Variants in TNC observed in about 807,000 individuals in gnomAD.
TNC encodes the protein tenascin.
In TNC, 109 loss-of-function variants were observed where a neutral mutation model predicts 202.4. The observed-to-expected ratio is 0.54, with a 90% confidence interval of 0.46 to 0.63. The LOEUF (loss-of-function observed/expected upper bound fraction) is 0.63, where lower values mean the gene tolerates loss of function less well. Among genes scored for constraint, TNC ranks in the 30% least tolerant of loss-of-function variants. TNC has a pLI of 0.00. For missense variants in TNC, 2,756 were observed against 2,833.3 expected, an observed-to-expected ratio of 0.97 and a Z score of 0.62; for synonymous variants, 1,007 against 1,089.7, an observed-to-expected ratio of 0.92 and a Z score of 1.50.
At chr9:115,082,560 A>T (rs957957360) in intron 5 of TNC, 132 bp downstream of exon 5, 9 of 631,106 alleles carry the variant, frequency 1.4e-5, no homozygotes, top group African/African-American at 5.5e-5. Flanking sequence ...ATGCAAACAC[A>T]AATGATGCTA....
chr9:115,065,383 G>A (rs1370628197), intron 10 of TNC, among the ~76,000 whole-genome samples: 2 of 152,154 alleles, frequency 1.3e-5, no homozygotes, highest in Non-Finnish European at 2.9e-5. Flanking sequence ...GGGATAGAGT[G>A]AGACTCTGTC....
At position 115,059,649 on chromosome 9, in the gene TNC, G is replaced by A. The variant is rs1832391393; in HGVS notation, c.4306+81C>T. On this transcript the variant is annotated intron_variant, in intron 14 of 27. Transcript: ENST00000350763. Reference sequence around the variant, plus strand: ...CACATGAAAAGGATTCAGTTATGGCGAGATGCTGACTCCGCGCATGATCTC... The same window carrying A: ...CACATGAAAAGGATTCAGTTATGGCAAGATGCTGACTCCGCGCATGATCTC... The A allele has an allele frequency of 5.0e-6, 7 of 1,407,652 alleles. No homozygotes were observed. In the South Asian group the frequency reaches 8.5e-5, roughly 17 times the overall value. The allele number at this position is 1,407,652 out of a possible 1,614,324, so 87.2% of individuals were successfully genotyped here.
intron 1 of TNC, among the ~76,000 whole-genome samples, chr9:115,101,660 T>G (rs536432916): frequency 6.6e-6 from 1 of 152,350 alleles, no homozygotes; most frequent in South Asian, 2.1e-4. Context: ...GCTATTTACT[T>G]AGTATGGACC....
At chr9:115,076,852 C>T (rs1833901447) in intron 7 of TNC, among the ~76,000 whole-genome samples, 1 of 152,202 alleles carries the variant, frequency 6.6e-6, no homozygotes, top group Non-Finnish European at 1.5e-5. Flanking sequence ...AAAATAAGCT[C>T]ATGAGTGTAA....
intron 23 of TNC, among the ~76,000 whole-genome samples, chr9:115,031,120 GA>G (rs1829916679): frequency 6.6e-6 from 1 of 152,208 alleles, no homozygotes; most frequent in Non-Finnish European, 1.5e-5. Flanking sequence ...GAAGGAGAAA[GA>G]AAGAGACTTT....
At chr9:115,044,927 C>T (rs1219745386) in intron 17 of TNC, among the ~76,000 whole-genome samples, 1 of 152,114 alleles carries the variant, frequency 6.6e-6, no homozygotes, top group Non-Finnish European at 1.5e-5. Flanking sequence ...TATCTTTAGA[C>T]AAAAAGGAGA....
intron 16 of TNC, among the ~76,000 whole-genome samples, chr9:115,047,392 C>T (rs976279057): frequency 1.3e-5 from 2 of 152,112 alleles, no homozygotes; most frequent in East Asian, 3.9e-4. Context: ...AACTCAATGT[C>T]AATGTAGATT....
chr9:115,044,262 TAA>T (rs3838332), intron 17 of TNC, among the ~76,000 whole-genome samples: 5 of 142,752 alleles, frequency 3.5e-5, no homozygotes, highest in South Asian at 2.2e-4. Flanking sequence ...GAGAAAGGAT[TAA>T]AAAAAAAAAA....
In TNC at chr9:115,029,384, C is replaced by A; in HGVS notation, c.6145G>T (p.Asp2049Tyr). Residue 2049 changes from aspartate to tyrosine, a missense_variant, in exon 25 of 28, where the codon GAC becomes TAC. Physicochemically the swap from Asp to Tyr is radical, Grantham distance 160. Coordinates refer to ENST00000350763, the MANE Select transcript of TNC (RefSeq NM_002160.4). ...CCAAGCCAGAATTCTTCTCTGCGGT[C>A]CCCAAATCCAGCAGCATATGCCTTC... is the stretch of plus-strand genomic sequence containing the variant. ...NWKAYAAGFGDRREEFWLGLD... is the reference protein window; with the variant it reads ...NWKAYAAGFGYRREEFWLGLD... The A allele has an allele frequency of 6.2e-7, 1 of 1,614,094 alleles. No homozygotes were observed. Among genetic ancestry groups the A allele is most frequent in the East Asian group, 2.2e-5 (1 of 44,884 alleles).
intron 24 of TNC, 91 bp from the exon 25 acceptor site, chr9:115,029,547 G>T: frequency 3.1e-6 from 4 of 1,270,442 alleles, no homozygotes; most frequent in Non-Finnish European, 3.4e-6. Context: ...ACTGTGGAGA[G>T]AGCATCAGGC....
At position 115,029,470 on chromosome 9, in the gene TNC, G is replaced by A. The variant is rs1172485974; in HGVS notation, c.6073-14C>T. On this transcript the variant is annotated splice_polypyrimidine_tract_variant and intron_variant, in intron 24 of 27. Transcript: ENST00000350763. ...TCTCAGGAACACCTATAAACATATC[G>A]ATGAATCTGGGTGTACTTAAGCTAT... 9 of 1,612,620 alleles carry A rather than the reference G, an allele frequency of 5.6e-6. No homozygotes were observed. Among genetic ancestry groups the A allele is most frequent in the South Asian group, 1.1e-5 (1 of 91,032 alleles).
At chr9:115,052,677 C>A (rs1342131124) in intron 15 of TNC, 2 of 639,018 alleles carry the variant, frequency 3.1e-6, no homozygotes, top group Non-Finnish European at 5.7e-6. Flanking sequence ...TTGAATTTTC[C>A]TTTAAGATGA....
intron 25 of TNC, 98 bp downstream of exon 25, chr9:115,029,262 C>T: frequency 3.0e-6 from 3 of 1,012,564 alleles, no homozygotes; most frequent in South Asian, 1.4e-5. Flanking sequence ...GTTCTTCTTC[C>T]TCATCTCTTT....
At chr9:115,055,809 A>G (rs1190768007) in intron 15 of TNC, 2 of 152,532 alleles carry the variant, frequency 1.3e-5, no homozygotes, top group Admixed American at 1.3e-4. Context: ...TTGTAGAGTC[A>G]AAATCAAAAC....
At chr9:115,082,016 C>T (rs559695748) in intron 5 of TNC, 88 bp from the exon 6 acceptor site, 1 of 1,290,126 alleles carries the variant, frequency 7.8e-7, no homozygotes, top group East Asian at 2.4e-5. Flanking sequence ...TCATTCATTC[C>T]TCTGTTATTC....
chr9:115,053,807 C>G (rs6478127), intron 15 of TNC, among the ~76,000 whole-genome samples: 4 of 151,976 alleles, frequency 2.6e-5, no homozygotes, highest in Non-Finnish European at 5.9e-5. Context: ...GGCTTCCATT[C>G]AAAATTCCCA....
At chr9:115,062,636 T>C (rs544622772) in intron 13 of TNC, among the ~76,000 whole-genome samples, 1 of 151,060 alleles carries the variant, frequency 6.6e-6, no homozygotes, top group South Asian at 2.1e-4. Flanking sequence ...TATATATCTA[T>C]ATATACACAC....
In TNC at chr9:115,021,207, G is replaced by C. The variant is rs777352155; in HGVS notation, c.6556C>G (p.Leu2186Val). Residue 2186 changes from leucine (L) to valine (V), a missense_variant, in exon 28 of 28, where the codon CTG becomes GTG. Physicochemically the swap from Leu to Val is conservative, Grantham distance 32 (BLOSUM62 1). This residue lies in a region of TNC where 197 missense variants were observed against 287.3 expected (regional missense o/e 0.69). Coordinates refer to ENST00000350763, the MANE Select transcript of TNC (RefSeq NM_002160.4). The part of the protein sequence containing the change: ...EHSIQFAEMK[L>V]RPSNFRNLEG... ...AGATTTCTGAAGTTGCTTGGTCTCA[G>C]CTTCATCTCAGCAAACTGGATTGAG... 2 of 1,613,610 alleles carry C rather than the reference G, an allele frequency of 1.2e-6. No individual in the cohort carries two copies. The highest frequency in any genetic ancestry group is 2.2e-5 in the East Asian group (1 of 44,860).
intron 27 of TNC, among the ~76,000 whole-genome samples, chr9:115,021,657 G>A (rs973729365): frequency 6.6e-6 from 1 of 152,206 alleles, no homozygotes; most frequent in African/African-American, 2.4e-5. Flanking sequence ...GTGTGTGTGT[G>A]TGTCTGTAAT....
Sources: allele counts gnomAD v4.1 joint callset (sites outside exome capture counted in the v4.1 genomes callset), GRCh38; gene constraint gnomAD v4.1.1; regional missense constraint gnomAD v4.1.1; transcripts MANE v1.5; gene names NCBI Gene and HGNC (gene_info 2026-07-23, HGNC 2026-07-21).